Variants in CHRM3 observed in about 807,000 individuals in gnomAD.
The protein encoded by CHRM3 is muscarinic acetylcholine receptor M3.
In CHRM3, 11 loss-of-function variants were observed where a neutral mutation model predicts 41.8. The ratio of observed to expected loss-of-function variants is 0.26; its 90% CI spans 0.17 to 0.44. The LOEUF (loss-of-function observed/expected upper bound fraction) is 0.44. CHRM3 is among the 20% of genes least tolerant of loss of function. CHRM3 has a pLI of 1.00. For synonymous variants in CHRM3, 297 were observed against 301.4 expected (o/e 0.99, Z 0.15); for missense variants, 571 against 745.4 (o/e 0.77, Z 2.72).
At chr1:239,470,475 G>GT (rs1478066064) in intron 1 of CHRM3, among the ~76,000 whole-genome samples, 2 of 152,204 alleles carry the variant, frequency 1.3e-5, no homozygotes, top group African/African-American at 4.8e-5. Context: ...ATGTTACCGT[G>GT]TGGGCCTTGG....
intron 2 of CHRM3, among the ~76,000 whole-genome samples, chr1:239,525,512 G>A (rs939032751): frequency 1.3e-5 from 2 of 151,822 alleles, no homozygotes; most frequent in Admixed American, 6.6e-5. Flanking sequence ...CCTATATACA[G>A]ATTAGGCTAT....
At chr1:239,640,538 C>G (rs1671008514) in intron 4 of CHRM3, among the ~76,000 whole-genome samples, 1 of 152,164 alleles carries the variant, frequency 6.6e-6, no homozygotes, top group African/African-American at 2.4e-5. Context: ...TGTAGATTTT[C>G]TAGTTTATTT....
chr1:239,898,967 T>G (rs1679245459), intron 6 of CHRM3, among the ~76,000 whole-genome samples: 1 of 152,234 alleles, frequency 6.6e-6, no homozygotes, highest in Admixed American at 6.5e-5. Flanking sequence ...CTAAATTCAG[T>G]ACTGTCAAAC....
At chr1:239,595,667 T>C (rs16838534) in intron 3 of CHRM3, among the ~76,000 whole-genome samples, 1,884 of 152,270 alleles carry the variant, frequency 0.012, 46 homozygotes, top group African/African-American at 0.043. Flanking sequence ...ATTCATTCAT[T>C]TGGGTGGAAG....
At chr1:239,564,164 G>A (rs1303796990) in intron 3 of CHRM3, among the ~76,000 whole-genome samples, 3 of 152,026 alleles carry the variant, frequency 2.0e-5, no homozygotes, top group Admixed American at 6.6e-5. Context: ...AAACATGTAC[G>A]GTATTGAATT....
chr1:239,787,853 G>A lies in CHRM3; in HGVS notation c.-146-39399G>A, dbSNP rs959868810. 2.0e-5 allele frequency among the ~76,000 whole-genome samples: 3 copies of A among 152,142 alleles called. No individual in the cohort carries two copies. The East Asian group carries it at 5.8e-4, about 29-fold the overall frequency. On this transcript the variant is annotated intron_variant, in intron 5 of 6. Coordinates refer to ENST00000676153, the MANE Select transcript of CHRM3 (RefSeq NM_001375978.1). Reference sequence around the variant, plus strand: ...CTCAATTCATATTTGGGAATTAAATGTAAAAAGATTACATATATATTTAAA... The same window carrying A: ...CTCAATTCATATTTGGGAATTAAATATAAAAAGATTACATATATATTTAAA...
chr1:239,790,976 ATTTTGTT>A (rs1314830105), intron 5 of CHRM3, among the ~76,000 whole-genome samples: 1 of 149,088 alleles, frequency 6.7e-6, no homozygotes, highest in Non-Finnish European at 1.5e-5. Context: ...GAGAGATTTT[ATTTTGTT>A]TTTTGTTTTT....
intron 2 of CHRM3, among the ~76,000 whole-genome samples, chr1:239,533,174 C>A (rs1657827889): frequency 6.6e-6 from 1 of 152,048 alleles, no homozygotes; most frequent in African/African-American, 2.4e-5. Context: ...ACAGGACCCC[C>A]ATTACTAAGC....
chr1:239,606,373 T>G (rs1031883409), intron 3 of CHRM3, among the ~76,000 whole-genome samples: 4 of 152,004 alleles, frequency 2.6e-5, no homozygotes, highest in African/African-American at 9.7e-5. Context: ...CCTCCTGGGT[T>G]CATGCCATTC....
intron 3 of CHRM3, among the ~76,000 whole-genome samples, chr1:239,611,626 G>A (rs112507592): frequency 0.068 from 10,343 of 151,838 alleles, 572 homozygotes; most frequent in African/African-American, 0.15. Flanking sequence ...TCACCATGTT[G>A]GCCAGGATGG....
At chr1:239,715,384 G>C (rs1044695285) in intron 5 of CHRM3, among the ~76,000 whole-genome samples, 1 of 152,112 alleles carries the variant, frequency 6.6e-6, no homozygotes, top group African/African-American at 2.4e-5. Context: ...GTGGTGTTCT[G>C]ATAAACCAGG....
At chr1:239,695,164 C>T (rs1660070469) in intron 5 of CHRM3, among the ~76,000 whole-genome samples, 1 of 152,084 alleles carries the variant, frequency 6.6e-6, no homozygotes, top group African/African-American at 2.4e-5. Context: ...GCGCATGCCA[C>T]CACACCCAGC....
At chr1:239,712,015 G>C (rs1366766684) in intron 5 of CHRM3, among the ~76,000 whole-genome samples, 2 of 152,064 alleles carry the variant, frequency 1.3e-5, no homozygotes, top group Admixed American at 6.6e-5. Flanking sequence ...TTTGATCTCA[G>C]CCTTTGCCTC....
At chr1:239,841,386 C>T (rs1289372358) in intron 6 of CHRM3, among the ~76,000 whole-genome samples, 4 of 152,024 alleles carry the variant, frequency 2.6e-5, no homozygotes, top group African/African-American at 4.8e-5. Flanking sequence ...GAATTACGTT[C>T]GTTACCAATG....
rs991643218 is a variant in CHRM3 at position 239,859,882 on chromosome 1, A to G, written c.-20+32504A>G. On this transcript the variant is annotated intron_variant, in intron 6 of 6. Coordinates refer to ENST00000676153, the MANE Select transcript of CHRM3 (RefSeq NM_001375978.1). ...TTAATCTCAAAATAAGTATAGTATT[A>G]TTATACGTAAAGCATGTGGACCAGT... Among the ~76,000 whole-genome samples the G allele has an allele frequency of 2.7e-5, 4 of 148,874 alleles. No homozygotes were observed. In the Admixed American group the frequency reaches 2.7e-4, roughly 10 times the overall value.
intron 5 of CHRM3, among the ~76,000 whole-genome samples, chr1:239,780,254 A>T (rs1053204357): frequency 4.6e-5 from 7 of 152,224 alleles, no homozygotes; most frequent in African/African-American, 1.7e-4. Flanking sequence ...TTGGCAATAA[A>T]TTAAAGTTCC....
At chr1:239,607,406 G>T (rs1456087307) in intron 3 of CHRM3, among the ~76,000 whole-genome samples, 3 of 152,098 alleles carry the variant, frequency 2.0e-5, no homozygotes, top group Non-Finnish European at 2.9e-5. Flanking sequence ...AGATGCATAG[G>T]CATCCTGTTG....
chr1:239,731,319 G>A (rs1249182817), intron 5 of CHRM3, among the ~76,000 whole-genome samples: 1 of 151,888 alleles, frequency 6.6e-6, no homozygotes, highest in Non-Finnish European at 1.5e-5. Context: ...AGTGGGTAGA[G>A]GAGGAGAACA....
chr1:239,638,301 T>C (rs1558406046), intron 4 of CHRM3, among the ~76,000 whole-genome samples: 1 of 151,902 alleles, frequency 6.6e-6, no homozygotes, highest in African/African-American at 2.4e-5. Context: ...CTGGGTCAAA[T>C]GGTATTTCTA....
Sources: gnomAD v4.1 joint callset for allele counts (sites outside exome capture counted in the v4.1 genomes callset) on GRCh38, gnomAD v4.1.1 for gene constraint, MANE v1.5 for transcripts, NCBI Gene and HGNC (gene_info 2026-07-23, HGNC 2026-07-21) for gene names.